The following ACSM6 variants were observed in gnomAD, a reference collection of about 807,000 sequenced individuals.
The protein encoded by ACSM6 is acyl-coenzyme A synthetase ACSM6, mitochondrial.
ACSM6 carries 35 observed loss-of-function variants against 51.1 expected under a neutral mutation model. The ratio of observed to expected loss-of-function variants is 0.69; its 90% confidence interval spans 0.52 to 0.91. The LOEUF is 0.91. Among genes scored for constraint, ACSM6 ranks in the 40% least tolerant of loss-of-function variants. The pLI is 0.00. For missense variants in ACSM6, 509 were observed against 584.1 expected, an observed-to-expected ratio of 0.87 and a Z score of 1.32; for synonymous variants, 172 against 207.3, an observed-to-expected ratio of 0.83 and a Z score of 1.46.
At chr10:95,216,707 T>A (rs1210443579) in intron 8 of ACSM6, among the ~76,000 whole-genome samples, 1 of 150,898 alleles carries the variant, frequency 6.6e-6, no homozygotes, top group Non-Finnish European at 1.5e-5. Flanking sequence ...AGGATCAACA[T>A]CCCCCACTTG....
chr10:95,195,207 A>T (rs1367251191), intron 2 of ACSM6, among the ~76,000 whole-genome samples: 1 of 152,204 alleles, frequency 6.6e-6, no homozygotes, highest in Non-Finnish European at 1.5e-5. Flanking sequence ...GATAGCCACA[A>T]AGTGCTGAAA....
At chr10:95,194,426 C>A in intron 1 of ACSM6, 39 bp from the exon 2 acceptor site, 3 of 1,452,044 alleles carry the variant, frequency 2.1e-6, no homozygotes, top group Non-Finnish European at 1.9e-6. Context: ...TCCCTCTGAG[C>A]TGCTCAATTA....
chr10:95,196,002 CCCACCCATTCTG>C, intron 2 of ACSM6, among the ~76,000 whole-genome samples: 1 of 152,154 alleles, frequency 6.6e-6, no homozygotes, highest in East Asian at 1.9e-4. Context: ...GGGTGCCCTC[CCCACCCATTCTG>C]CCTTCCCAGC....
rs150893850 is a variant in ACSM6 at position 95,228,842 on chromosome 10, C to T, written c.*58C>T. 1.8e-4 allele frequency: 267 copies of T among 1,462,242 alleles called. 1 individual carries two copies. In the African/African-American group the frequency reaches 2.3e-3, roughly 12 times the overall value. 90.6% of individuals were successfully genotyped at this position (1,462,242 alleles called of 1,614,324 possible). ...GTGGGAGTTTGAAGAAGACTCTGGA[C>T]TGCTTCCAATACGTAGGAATTATAT... On this transcript the variant is annotated 3_prime_UTR_variant, in exon 11 of 11. Transcript: ENST00000341686.
At chr10:95,198,648 CAAAA>C (rs11357937) in intron 2 of ACSM6, among the ~76,000 whole-genome samples, 2 of 138,372 alleles carry the variant, frequency 1.4e-5, no homozygotes, top group Admixed American at 7.1e-5. Context: ...AAGACTGTCT[CAAAA>C]AAAAAAAAAA....
At chr10:95,226,885 T>G (rs1280662075) in intron 10 of ACSM6, among the ~76,000 whole-genome samples, 1 of 152,228 alleles carries the variant, frequency 6.6e-6, no homozygotes, top group Non-Finnish European at 1.5e-5. Context: ...CTTTTTCTAT[T>G]TATTTGTCTT....
chr10:95,224,185 G>A (rs1263122976), intron 9 of ACSM6, among the ~76,000 whole-genome samples: 1 of 152,140 alleles, frequency 6.6e-6, no homozygotes, highest in African/African-American at 2.4e-5. Context: ...TATTATCCCT[G>A]AAGACCTCTG....
chr10:95,219,897 C>T (rs1261539003), exon 9 of ACSM6: 18 of 1,613,340 alleles, frequency 1.1e-5, no homozygotes, highest in Non-Finnish European at 1.4e-5. Flanking sequence ...ACAGGGTCTA[C>T]TCTGTGCCAC....
intron 9 of ACSM6, among the ~76,000 whole-genome samples, chr10:95,223,522 G>C (rs2035012965): frequency 1.3e-5 from 2 of 152,018 alleles, no homozygotes; most frequent in South Asian, 4.2e-4. Flanking sequence ...ATACAAAGTT[G>C]GTTCAAACTA....
At chr10:95,210,099 A>G (rs1472787832) in intron 4 of ACSM6, among the ~76,000 whole-genome samples, 1 of 152,198 alleles carries the variant, frequency 6.6e-6, no homozygotes, top group Non-Finnish European at 1.5e-5. Context: ...GGATTTTTGC[A>G]TTAGTTTTCA....
At chr10:95,215,072 A>G in intron 8 of ACSM6, 97 bp downstream of exon 8, 1 of 1,384,202 alleles carries the variant, frequency 7.2e-7, no homozygotes. Flanking sequence ...CTAGAAATGC[A>G]CAACTGGATC....
intron 4 of ACSM6, among the ~76,000 whole-genome samples, chr10:95,210,121 C>T (rs749085621): frequency 4.6e-5 from 7 of 152,206 alleles, no homozygotes; most frequent in Non-Finnish European, 7.3e-5. Flanking sequence ...TATTTAAAAA[C>T]ATTTCACTAA....
rs1175491555 is a variant in ACSM6 at position 95,207,190 on chromosome 10, T to C, written c.404-18T>C. 6.4e-7 allele frequency: 1 copy of C among 1,568,954 alleles called. No individual in the cohort carries two copies. Among genetic ancestry groups the C allele is most frequent in the Non-Finnish European group, 8.6e-7 (1 of 1,156,802 alleles). Reference sequence around the variant, plus strand: ...CTCAAAAGATAAAAATGAAGCCTTCTTTTGTGGTTTTTTTCAGGAATCACC... The same window carrying C: ...CTCAAAAGATAAAAATGAAGCCTTCCTTTGTGGTTTTTTTCAGGAATCACC... On this transcript the variant is annotated intron_variant, in intron 3 of 10. Coordinates refer to ENST00000341686, the Ensembl canonical transcript of ACSM6.
At chr10:95,225,786 G>C (rs689207) in intron 10 of ACSM6, 1 of 154,612 alleles carries the variant, frequency 6.5e-6, no homozygotes, top group Non-Finnish European at 1.4e-5. Context: ...ATTGTACTCA[G>C]ATGTGTTTTA....
intron 3 of ACSM6, among the ~76,000 whole-genome samples, chr10:95,204,230 C>A (rs575234239): frequency 6.6e-6 from 1 of 152,204 alleles, no homozygotes; most frequent in Admixed American, 6.5e-5. Flanking sequence ...AAAACAAAAT[C>A]GAAAACTCAG....
intron 9 of ACSM6, among the ~76,000 whole-genome samples, chr10:95,224,240 A>C (rs1421050769): frequency 6.6e-6 from 1 of 152,226 alleles, no homozygotes; most frequent in Non-Finnish European, 1.5e-5. Context: ...CCAAGTATTC[A>C]GCAAGGATAA....
At chr10:95,218,589 C>A (rs1464664988) in intron 8 of ACSM6, among the ~76,000 whole-genome samples, 1 of 152,226 alleles carries the variant, frequency 6.6e-6, no homozygotes, top group Non-Finnish European at 1.5e-5. Context: ...AGTCACCACT[C>A]CTTCAGACAA....
At chr10:95,207,491 T>C (rs905942349) in intron 4 of ACSM6, 76 bp downstream of exon 4, 11 of 1,425,046 alleles carry the variant, frequency 7.7e-6, no homozygotes, top group African/African-American at 2.8e-5. Flanking sequence ...TATGAGAAAG[T>C]GGTGTGAGTG....
intron 9 of ACSM6, among the ~76,000 whole-genome samples, chr10:95,222,539 C>T (rs748951291): frequency 1.3e-5 from 2 of 151,764 alleles, no homozygotes; most frequent in Non-Finnish European, 2.9e-5. Context: ...AGGAGAATCA[C>T]TTGAACGCGG....
Sources: allele counts gnomAD v4.1 joint callset (sites outside exome capture counted in the v4.1 genomes callset), GRCh38; gene constraint gnomAD v4.1.1; transcripts MANE v1.5; gene names NCBI Gene and HGNC (gene_info 2026-07-23, HGNC 2026-07-21).